The following PALM2AKAP2 variants were observed in gnomAD, a reference collection of about 807,000 sequenced individuals.
The protein encoded by PALM2AKAP2 is PALM2 and AKAP2 fusion, also known as PALM2-AKAP2 fusion protein.
PALM2AKAP2 carries 37 observed loss-of-function variants against 71.5 expected under a neutral mutation model. The ratio of observed to expected loss-of-function variants is 0.52; its 90% CI spans 0.40 to 0.68. The LOEUF (loss-of-function observed/expected upper bound fraction) is 0.68, where lower values mean the gene tolerates loss of function less well. Among genes scored for constraint, PALM2AKAP2 ranks in the 30% least tolerant of loss-of-function variants. The pLI is 0.00. For synonymous variants in PALM2AKAP2, 468 were observed against 478.8 expected (o/e 0.98, Z 0.29); for missense variants, 1,224 against 1,191.8 (o/e 1.03, Z -0.40).
chr9:109,924,810 C>G (rs1830915034), intron 4 of PALM2AKAP2, among the ~76,000 whole-genome samples: 1 of 152,140 alleles, frequency 6.6e-6, no homozygotes, highest in South Asian at 2.1e-4. Flanking sequence ...CATTCTCCAG[C>G]ATGACCAAGG....
At chr9:109,781,484 C>A (rs57447749) in intron 1 of PALM2AKAP2, among the ~76,000 whole-genome samples, 1 of 152,194 alleles carries the variant, frequency 6.6e-6, no homozygotes, top group Admixed American at 6.5e-5. Context: ...TTTTTCAGTT[C>A]GGAAGTTCTC....
intron 1 of PALM2AKAP2, among the ~76,000 whole-genome samples, chr9:109,664,153 CTG>C (rs1470436086): frequency 6.6e-6 from 1 of 152,102 alleles, no homozygotes; most frequent in Non-Finnish European, 1.5e-5. Context: ...ATTTGCCAGT[CTG>C]TGTCTTTTAA....
chr9:109,706,538 G>T (rs368154210), intron 1 of PALM2AKAP2, among the ~76,000 whole-genome samples: 12 of 152,236 alleles, frequency 7.9e-5, no homozygotes, highest in African/African-American at 2.6e-4. Context: ...AATATGAGCT[G>T]GGAATTCTAC....
At chr9:109,968,985 A>G (rs945573358) in intron 6 of PALM2AKAP2, among the ~76,000 whole-genome samples, 5 of 152,126 alleles carry the variant, frequency 3.3e-5, no homozygotes, top group African/African-American at 4.8e-5. Flanking sequence ...AGAGACTAAG[A>G]AAAAAACTGA....
chr9:110,148,910 A>G (rs1160916654), intron 2 of PALM2AKAP2, among the ~76,000 whole-genome samples: 1 of 152,246 alleles, frequency 6.6e-6, no homozygotes, highest in Non-Finnish European at 1.5e-5. Flanking sequence ...TTTAAAAGTT[A>G]GACCTGAAAT....
chr9:110,011,731 G>T (rs939847534), intron 6 of PALM2AKAP2, among the ~76,000 whole-genome samples: 1 of 152,206 alleles, frequency 6.6e-6, no homozygotes. Context: ...TGTGCGCAGT[G>T]TGTGGGTTAA....
chr9:109,808,361 G>A (rs1827636074), intron 1 of PALM2AKAP2, among the ~76,000 whole-genome samples: 1 of 152,236 alleles, frequency 6.6e-6, no homozygotes, highest in African/African-American at 2.4e-5. Flanking sequence ...CTCTTGTTAT[G>A]TTTTAGCAAA....
At chr9:110,116,389 C>CGTGTGTGTGTGTGT (rs1564313684) in intron 1 of PALM2AKAP2, among the ~76,000 whole-genome samples, 1 of 150,162 alleles carries the variant, frequency 6.7e-6, no homozygotes, top group African/African-American at 2.5e-5. Flanking sequence ...TGTGTGTGTG[C>CGTGTGTGTGTGTGT]GCATGTGTGT....
intron 4 of PALM2AKAP2, among the ~76,000 whole-genome samples, chr9:109,924,441 T>C (rs910346507): frequency 6.6e-6 from 1 of 151,548 alleles, no homozygotes; most frequent in South Asian, 2.1e-4. Flanking sequence ...TACTAAAAAA[T>C]ACAAAAAAAT....
chr9:109,992,904 G>A (rs991964662), intron 6 of PALM2AKAP2, among the ~76,000 whole-genome samples: 1 of 149,932 alleles, frequency 6.7e-6, no homozygotes, highest in Non-Finnish European at 1.5e-5. Flanking sequence ...ACCATTGAAA[G>A]GAGTTTCAAT....
chr9:109,750,170 C>T (rs1216333232), intron 1 of PALM2AKAP2, among the ~76,000 whole-genome samples: 1 of 152,154 alleles, frequency 6.6e-6, no homozygotes, highest in Non-Finnish European at 1.5e-5. Context: ...CCTATAGCTT[C>T]CCTGACTTGA....
At position 109,691,115 on chromosome 9, in the gene PALM2AKAP2, T is replaced by C. The variant is rs529967364; in HGVS notation, c.5+50249T>C. 3.3e-5 allele frequency among the ~76,000 whole-genome samples: 5 copies of C among 151,992 alleles called. No homozygotes were observed. The East Asian group carries it at 9.7e-4, about 29-fold the overall frequency. On this transcript the variant is annotated intron_variant, in intron 1 of 6. Transcript: ENST00000374531. ...AATCGCAGTATAAGATTTGCAAATG[T>C]TCTCTTTCAAAAGTGCTTCGATCTC...
intron 6 of PALM2AKAP2, among the ~76,000 whole-genome samples, chr9:109,958,872 C>T (rs1205039573): frequency 2.0e-5 from 3 of 152,174 alleles, no homozygotes; most frequent in African/African-American, 7.2e-5. Flanking sequence ...GTCTTGAAAC[C>T]CTGTGGCTAT....
At chr9:110,063,919 A>G (rs536879864) in intron 1 of PALM2AKAP2, among the ~76,000 whole-genome samples, 1 of 152,280 alleles carries the variant, frequency 6.6e-6, no homozygotes, top group South Asian at 2.1e-4. Flanking sequence ...AGGGGTGCAC[A>G]CAGTTCATCC....
chr9:110,097,256 C>T (rs1034079736), intron 1 of PALM2AKAP2, among the ~76,000 whole-genome samples: 2 of 149,708 alleles, frequency 1.3e-5, no homozygotes, highest in African/African-American at 2.5e-5. Context: ...TTTCAGAGAG[C>T]ACAGGGTTGG....
chr9:110,091,037 G>T (rs927049757), intron 1 of PALM2AKAP2, among the ~76,000 whole-genome samples: 1 of 152,032 alleles, frequency 6.6e-6, no homozygotes, highest in East Asian at 1.9e-4. Context: ...ATGGCCTTAG[G>T]GTTTGAAAAC....
intron 1 of PALM2AKAP2, among the ~76,000 whole-genome samples, chr9:109,844,996 T>A (rs1384317194): frequency 6.7e-6 from 1 of 149,694 alleles, no homozygotes; most frequent in Non-Finnish European, 1.5e-5. Context: ...CACGCTCTGG[T>A]AGGGGGGTTT....
intron 7 of PALM2AKAP2, among the ~76,000 whole-genome samples, chr9:110,016,665 G>A (rs977012871): frequency 2.6e-5 from 4 of 152,178 alleles, no homozygotes; most frequent in African/African-American, 9.7e-5. Flanking sequence ...AAAGTTATCA[G>A]AGGTGCCACC....
At chr9:109,906,026 TTTCC>T (rs35354227) in intron 3 of PALM2AKAP2, among the ~76,000 whole-genome samples, 58,803 of 151,654 alleles carry the variant, frequency 0.39, 12,205 homozygotes, top group Non-Finnish European at 0.46. Context: ...TTACGTTGCA[TTTCC>T]TTCTTTTCCT....
Sources: allele counts gnomAD v4.1 joint callset (sites outside exome capture counted in the v4.1 genomes callset), GRCh38; gene constraint gnomAD v4.1.1; transcripts MANE v1.5; gene names NCBI Gene and HGNC (gene_info 2026-07-23, HGNC 2026-07-21).